Variants in KCNK2 observed in about 807,000 individuals in gnomAD.
KCNK2 encodes potassium two pore domain channel subfamily K member 2.
A neutral mutation model predicts 40.5 loss-of-function variants in KCNK2; 21 were observed. That is an observed-to-expected ratio of 0.52 (90% CI 0.37 to 0.75). KCNK2 has a LOEUF of 0.75. Ranked by LOEUF, KCNK2 falls within the 30% of genes least tolerant of loss-of-function variation. The pLI, the probability that KCNK2 is intolerant of heterozygous loss-of-function variation, is 0.00. For missense variants in KCNK2, 399 were observed against 531.6 expected, an observed-to-expected ratio of 0.75 and a Z score of 2.45; for synonymous variants, 191 against 202.2, an observed-to-expected ratio of 0.94 and a Z score of 0.47.
Position 215,032,103 on chromosome 1 carries a change from A to ATT in KCNK2, c.34+26165_34+26166dup, listed in dbSNP as rs368295671. Among the ~76,000 whole-genome samples the ATT allele has an allele frequency of 5.8e-3, 792 of 137,720 alleles. 10 individuals are homozygous for ATT. Among genetic ancestry groups the ATT allele is most frequent in the African/African-American group, 0.018 (678 of 37,532 alleles). The allele number at this position is 137,720 out of a possible 152,430, so 90.3% of individuals were successfully genotyped here. On this transcript the variant is annotated intron_variant, in intron 1 of 6. Transcript: ENST00000391895. ...CTGTTATCTGTTACATCAATTAAGG[A>ATT]TTTTTTTTTTTTTTTTTTAGAAGGG...
chr1:215,042,275 T>G (rs1657597255), intron 1 of KCNK2, among the ~76,000 whole-genome samples: 1 of 152,106 alleles, frequency 6.6e-6, no homozygotes, highest in East Asian at 1.9e-4. Flanking sequence ...AAGACACAGA[T>G]AGGACATAAG....
intron 1 of KCNK2, among the ~76,000 whole-genome samples, chr1:215,074,036 G>A (rs552528039): frequency 7.9e-5 from 12 of 152,284 alleles, no homozygotes; most frequent in African/African-American, 2.4e-4. Context: ...ACTGGAGATC[G>A]GTGGAGTGGA....
chr1:215,015,752 T>C (rs1217865003), intron 1 of KCNK2, among the ~76,000 whole-genome samples: 1 of 152,150 alleles, frequency 6.6e-6, no homozygotes, highest in Non-Finnish European at 1.5e-5. Context: ...ATTGAAGGGT[T>C]AGCAGAAACT....
At chr1:215,036,387 A>G (rs1244889102) in intron 1 of KCNK2, among the ~76,000 whole-genome samples, 3 of 151,878 alleles carry the variant, frequency 2.0e-5, no homozygotes, top group Non-Finnish European at 2.9e-5. Context: ...ATTCTGTTCC[A>G]TTGATCTATT....
At chr1:215,094,047 C>A (rs865810514) in intron 2 of KCNK2, among the ~76,000 whole-genome samples, 1 of 146,168 alleles carries the variant, frequency 6.8e-6, no homozygotes, top group Non-Finnish European at 1.5e-5. Flanking sequence ...TACTTTTGCA[C>A]CAACCTAATA....
At chr1:215,022,106 C>CTAT (rs1656817664) in intron 1 of KCNK2, among the ~76,000 whole-genome samples, 2 of 109,186 alleles carry the variant, frequency 1.8e-5, no homozygotes. Context: ...TAAATCCCCT[C>CTAT]CTATCTATCT....
intron 1 of KCNK2, among the ~76,000 whole-genome samples, chr1:215,058,989 T>G (rs1658261821): frequency 6.6e-6 from 1 of 152,038 alleles, no homozygotes; most frequent in Non-Finnish European, 1.5e-5. Context: ...ACATGAGCTC[T>G]TCTCACTTGT....
intron 1 of KCNK2, among the ~76,000 whole-genome samples, chr1:215,062,023 T>C (rs1474280285): frequency 6.6e-6 from 1 of 152,144 alleles, no homozygotes; most frequent in East Asian, 1.9e-4. Flanking sequence ...TACAACAGTT[T>C]GAAGTAATTT....
Position 215,053,474 on chromosome 1 carries a change from G to C in KCNK2, c.35-32894G>C, listed in dbSNP as rs868085238. Among the ~76,000 whole-genome samples, 13 of 152,192 alleles carry C rather than the reference G, an allele frequency of 8.5e-5. 1 individual carries two copies. The highest frequency in any genetic ancestry group is 2.7e-4 in the African/African-American group (11 of 41,442). On this transcript the variant is annotated intron_variant, in intron 1 of 6. Coordinates refer to the KCNK2 transcript ENST00000391895. ...AGACAAGTAGGTGATAAGAGATAAAGTGGACAAGGCAAATTAAAACAAATG... is the reference window on the plus strand; with the variant it reads ...AGACAAGTAGGTGATAAGAGATAAACTGGACAAGGCAAATTAAAACAAATG...
intron 6 of KCNK2, among the ~76,000 whole-genome samples, chr1:215,221,451 C>T (rs1315707369): frequency 6.6e-6 from 1 of 152,158 alleles, no homozygotes; most frequent in Non-Finnish European, 1.5e-5. Flanking sequence ...AGAAGCCTTA[C>T]TGATAACAGT....
At chr1:215,206,200 G>A (rs940322497) in intron 6 of KCNK2, among the ~76,000 whole-genome samples, 8 of 151,960 alleles carry the variant, frequency 5.3e-5, no homozygotes, top group African/African-American at 1.2e-4. Context: ...ATGCTGAATC[G>A]GTTTTGTATG....
intron 3 of KCNK2, among the ~76,000 whole-genome samples, chr1:215,153,161 A>G (rs1221720907): frequency 6.6e-6 from 1 of 152,186 alleles, no homozygotes; most frequent in African/African-American, 2.4e-5. Context: ...TTAGCCTGAC[A>G]TCTTTCAGTG....
intron 6 of KCNK2, among the ~76,000 whole-genome samples, chr1:215,225,262 T>C (rs949698998): frequency 4.8e-4 from 73 of 152,322 alleles, no homozygotes; most frequent in Middle Eastern, 3.4e-3. Context: ...GTTTACTTAA[T>C]ACAACCATAG....
chr1:215,229,089 A>G (rs867298993), intron 6 of KCNK2, among the ~76,000 whole-genome samples: 2 of 152,124 alleles, frequency 1.3e-5, no homozygotes, highest in South Asian at 2.1e-4. Flanking sequence ...ATCAGCTATC[A>G]TTAGTGTTAG....
intron 3 of KCNK2, among the ~76,000 whole-genome samples, chr1:215,160,376 A>C (rs1316093295): frequency 6.6e-6 from 1 of 152,222 alleles, no homozygotes; most frequent in East Asian, 1.9e-4. Flanking sequence ...AAGCATATAC[A>C]GGAGTTCTGT....
In KCNK2 at chr1:215,215,959, G is replaced by A. The variant is rs142944085; in HGVS notation, c.964-18869G>A. On this transcript the variant is annotated intron_variant, in intron 6 of 6. Transcript: ENST00000444842. ...CTTTTCTTCCTGTTTCTTAGGCATC[G>A]TCATTACAGTTTAGCCAAGTTAATT... Among the ~76,000 whole-genome samples, 264 of 152,088 alleles carry A rather than the reference G, an allele frequency of 1.7e-3. 2 individuals carry two copies. The highest frequency in any genetic ancestry group is 0.014 in the Middle Eastern group (4 of 294).
At chr1:215,005,792 A>G (rs2102465620), upstream of KCNK2, 1 of 784,288 alleles carries the variant, frequency 1.3e-6, no homozygotes, top group Non-Finnish European at 2.2e-6. Context: ...ACACACAAAA[A>G]GGAAACAGTA....
chr1:215,066,638 C>T (rs879698695), intron 1 of KCNK2, among the ~76,000 whole-genome samples: 2 of 152,106 alleles, frequency 1.3e-5, no homozygotes, highest in Non-Finnish European at 2.9e-5. Context: ...GCTCTAAACT[C>T]GGGATTTTTT....
At chr1:215,059,090 C>T (rs1413773297) in intron 1 of KCNK2, among the ~76,000 whole-genome samples, 3 of 147,322 alleles carry the variant, frequency 2.0e-5, no homozygotes, top group African/African-American at 7.4e-5. Context: ...TATATATATT[C>T]GTGTATATAT....
Sources: gnomAD v4.1 joint callset for allele counts (sites outside exome capture counted in the v4.1 genomes callset) on GRCh38, gnomAD v4.1.1 for gene constraint, MANE v1.5 for transcripts, NCBI Gene and HGNC (gene_info 2026-07-23, HGNC 2026-07-21) for gene names.